The following CNTN5 variants were observed in gnomAD, a reference collection of about 807,000 sequenced individuals.
The protein encoded by CNTN5 is contactin 5, also known as contactin-5.
In CNTN5, 77 loss-of-function variants were observed where a neutral mutation model predicts 129.1. The observed-to-expected ratio is 0.60, with a 90% confidence interval of 0.50 to 0.72. The LOEUF (loss-of-function observed/expected upper bound fraction) is 0.72. Among genes scored for constraint, CNTN5 ranks in the 30% least tolerant of loss-of-function variants. The probability of loss-of-function intolerance (pLI) is 0.00; values close to 1 mark genes in which losing one functional copy is unlikely to be tolerated. For missense variants in CNTN5, 1,478 were observed against 1,328.8 expected (o/e 1.11, Z -1.75); for synonymous variants, 509 against 465.6 (o/e 1.09, Z -1.20).
chr11:100,040,240 A>G, intron 9 of CNTN5, among the ~76,000 whole-genome samples: 1 of 152,040 alleles, frequency 6.6e-6, no homozygotes, highest in Middle Eastern at 3.2e-3. Context: ...TCCACTCCAG[A>G]CCCTGTTTGC....
chr11:99,379,954 A>G (rs1286741995), intron 2 of CNTN5, among the ~76,000 whole-genome samples: 1 of 152,038 alleles, frequency 6.6e-6, no homozygotes, highest in Non-Finnish European at 1.5e-5. Context: ...TATGTGCCAT[A>G]TATGAGGTTC....
At chr11:99,909,491 G>A (rs1281300347) in intron 6 of CNTN5, among the ~76,000 whole-genome samples, 1 of 151,916 alleles carries the variant, frequency 6.6e-6, no homozygotes, top group African/African-American at 2.4e-5. Context: ...AAAACATGCT[G>A]CTCTAAAGAC....
At chr11:99,962,874 A>G (rs1199342970) in intron 8 of CNTN5, among the ~76,000 whole-genome samples, 2 of 150,220 alleles carry the variant, frequency 1.3e-5, no homozygotes, top group African/African-American at 5.0e-5. Flanking sequence ...ATGATATCTC[A>G]TTGTGGTTTT....
intron 3 of CNTN5, among the ~76,000 whole-genome samples, chr11:99,677,818 CT>C (rs914639744): frequency 2.0e-5 from 3 of 152,090 alleles, no homozygotes; most frequent in Admixed American, 1.3e-4. Context: ...TGTCTGTTGA[CT>C]TTTTTCAAAA....
chr11:100,253,855 T>C (rs1950018031), intron 16 of CNTN5, among the ~76,000 whole-genome samples: 1 of 152,176 alleles, frequency 6.6e-6, no homozygotes, highest in Non-Finnish European at 1.5e-5. Flanking sequence ...AACCAACTTC[T>C]TACTCAAAAC....
At chr11:99,242,302 G>A (rs1294246671) in intron 1 of CNTN5, among the ~76,000 whole-genome samples, 1 of 152,096 alleles carries the variant, frequency 6.6e-6, no homozygotes, top group Non-Finnish European at 1.5e-5. Flanking sequence ...TGGGAGGTGT[G>A]TGAGGAAGAA....
intron 1 of CNTN5, among the ~76,000 whole-genome samples, chr11:99,033,668 G>T (rs1052874672): frequency 1.3e-5 from 2 of 150,986 alleles, no homozygotes; most frequent in Non-Finnish European, 3.0e-5. Flanking sequence ...GAGATTTTGG[G>T]CTGAGACAAT....
chr11:99,101,151 T>C (rs1387804863), intron 1 of CNTN5, among the ~76,000 whole-genome samples: 2 of 152,126 alleles, frequency 1.3e-5, no homozygotes, highest in African/African-American at 4.8e-5. Context: ...CTTATAAAAC[T>C]ATCAGATCTT....
In CNTN5 at chr11:99,491,152, T is replaced by C. The variant is rs560888975; in HGVS notation, c.-70-64993T>C. Among the ~76,000 whole-genome samples the C allele has an allele frequency of 7.9e-5, 12 of 152,254 alleles. No homozygotes were observed. The South Asian group carries it at 2.1e-3, about 26-fold the overall frequency. ...TAGTTTCCAAGCAAAGAAGGGGATA[T>C]TGGGGATACAAATTCAATCAATCAT... On this transcript the variant is annotated intron_variant, in intron 2 of 24. Coordinates refer to ENST00000524871, the MANE Select transcript of CNTN5 (RefSeq NM_014361.4).
Position 99,310,181 on chromosome 11 carries a change from G to A in CNTN5, c.-209-15165G>A, listed in dbSNP as rs1168666498. Among the ~76,000 whole-genome samples, 6 of 151,976 alleles carry A rather than the reference G, an allele frequency of 3.9e-5. No individual in the cohort carries two copies. In the East Asian group the frequency reaches 1.2e-3, roughly 29 times the overall value. On this transcript the variant is annotated intron_variant, in intron 1 of 24. Coordinates refer to ENST00000524871, the MANE Select transcript of CNTN5 (RefSeq NM_014361.4). The stretch of plus-strand genomic sequence containing the variant: ...TGTGAATACGCACGCATAAGTATCT[G>A]CACATATTTATATCTACAGAAAGAC...
intron 13 of CNTN5, among the ~76,000 whole-genome samples, chr11:100,165,430 CAAAT>C (rs983940256): frequency 3.0e-5 from 4 of 133,004 alleles, no homozygotes; most frequent in African/African-American, 6.2e-5. Flanking sequence ...GTTATTGTGT[CAAAT>C]AAGATAATGT....
intron 7 of CNTN5, among the ~76,000 whole-genome samples, chr11:99,950,273 T>A (rs1435556974): frequency 2.0e-5 from 3 of 152,030 alleles, no homozygotes; most frequent in African/African-American, 7.2e-5. Context: ...GGTCAGGAGA[T>A]CGAGACCATC....
At chr11:100,339,682 C>A (rs781748497) in intron 21 of CNTN5, among the ~76,000 whole-genome samples, 40 of 152,160 alleles carry the variant, frequency 2.6e-4, no homozygotes, top group Non-Finnish European at 4.7e-4. Flanking sequence ...TTCTCTGCCT[C>A]CTTCCTCTAT....
intron 23 of CNTN5, among the ~76,000 whole-genome samples, chr11:100,348,181 CCTTA>C (rs1189396297): frequency 1.1e-5 from 1 of 89,234 alleles, no homozygotes; most frequent in Non-Finnish European, 2.2e-5. Context: ...TCTCTGGACT[CCTTA>C]CTGTCAATAA....
intron 3 of CNTN5, among the ~76,000 whole-genome samples, chr11:99,749,416 T>C (rs560286250): frequency 2.0e-5 from 3 of 152,326 alleles, no homozygotes; most frequent in South Asian, 2.1e-4. Flanking sequence ...AGTTACTATA[T>C]GAAAAACCCT....
intron 9 of CNTN5, among the ~76,000 whole-genome samples, chr11:100,049,326 G>C (rs2137727956): frequency 6.6e-6 from 1 of 152,010 alleles, no homozygotes; most frequent in East Asian, 1.9e-4. Flanking sequence ...AATATTGTCA[G>C]ATTCATATCG....
chr11:99,980,949 TA>T (rs1370265722), intron 8 of CNTN5, among the ~76,000 whole-genome samples: 1 of 151,530 alleles, frequency 6.6e-6, no homozygotes, highest in Admixed American at 6.6e-5. Flanking sequence ...AGCAATATAT[TA>T]AAGGGTTAAT....
chr11:99,084,129 A>C (rs1865909098), intron 1 of CNTN5, among the ~76,000 whole-genome samples: 1 of 152,242 alleles, frequency 6.6e-6, no homozygotes, highest in Admixed American at 6.5e-5. Context: ...ACACTTGAGC[A>C]TAAATAAACT....
intron 3 of CNTN5, among the ~76,000 whole-genome samples, chr11:99,785,932 T>C (rs998760181): frequency 6.6e-6 from 1 of 152,038 alleles, no homozygotes; most frequent in Non-Finnish European, 1.5e-5. Flanking sequence ...GCATTCCCTT[T>C]GAAAGCCGGC....
Sources: allele counts gnomAD v4.1 joint callset (sites outside exome capture counted in the v4.1 genomes callset), GRCh38; gene constraint gnomAD v4.1.1; transcripts MANE v1.5; gene names NCBI Gene and HGNC (gene_info 2026-07-23, HGNC 2026-07-21).